CTNNA2: variants seen among roughly 807,000 people sequenced by gnomAD.
CTNNA2 encodes the protein catenin alpha 2, also known as catenin alpha-2.
Under a neutral mutation model 101.0 loss-of-function variants are expected in CTNNA2, and 42 were observed. The ratio of observed to expected loss-of-function variants is 0.42; its 90% CI spans 0.32 to 0.54. The LOEUF (loss-of-function observed/expected upper bound fraction) is 0.54. CTNNA2 is among the 20% of genes least tolerant of loss of function. The pLI is 0.14. For missense variants in CTNNA2, 871 were observed against 1,223.1 expected, an observed-to-expected ratio of 0.71 and a Z score of 4.29; for synonymous variants, 450 against 456.4, an observed-to-expected ratio of 0.99 and a Z score of 0.18.
intron 9 of CTNNA2, among the ~76,000 whole-genome samples, chr2:80,500,932 T>G (rs2149532590): frequency 6.6e-6 from 1 of 152,362 alleles, no homozygotes; most frequent in South Asian, 2.1e-4. Flanking sequence ...GTTTTTCTTC[T>G]TATTGATTGA....
intron 4 of CTNNA2, among the ~76,000 whole-genome samples, chr2:79,416,939 A>G (rs929695683): frequency 7.9e-5 from 12 of 152,154 alleles, no homozygotes; most frequent in Admixed American, 2.0e-4. Flanking sequence ...CACATTAGCA[A>G]ACATGCTCCA....
intron 2 of CTNNA2, among the ~76,000 whole-genome samples, chr2:79,312,460 A>G (rs1229004975): frequency 6.6e-6 from 1 of 152,214 alleles, no homozygotes; most frequent in Non-Finnish European, 1.5e-5. Context: ...TCATTCATTT[A>G]GCAAGTATTT....
At chr2:79,261,166 AC>A (rs1045136260) in intron 2 of CTNNA2, among the ~76,000 whole-genome samples, 9 of 152,144 alleles carry the variant, frequency 5.9e-5, no homozygotes, top group Non-Finnish European at 1.0e-4. Context: ...TCAACCATCC[AC>A]CACTGTACAG....
At chr2:79,440,789 C>T (rs1192820305) in intron 4 of CTNNA2, among the ~76,000 whole-genome samples, 1 of 152,134 alleles carries the variant, frequency 6.6e-6, no homozygotes, top group African/African-American at 2.4e-5. Flanking sequence ...AGACTCAGCT[C>T]CCTCTGCTGA....
chr2:79,335,682 T>C (rs1676978814), intron 3 of CTNNA2, among the ~76,000 whole-genome samples: 2 of 152,232 alleles, frequency 1.3e-5, no homozygotes, highest in South Asian at 4.1e-4. Flanking sequence ...GGCTCATCTA[T>C]GTCCATATAA....
chr2:80,645,917 A>G (rs187673712), intron 18 of CTNNA2, among the ~76,000 whole-genome samples: 99 of 152,226 alleles, frequency 6.5e-4, no homozygotes, highest in African/African-American at 1.2e-4. Context: ...GTTTTCCCCA[A>G]TGGTCAGACT....
chr2:80,516,657 G>A (rs762757673), intron 9 of CTNNA2, among the ~76,000 whole-genome samples: 1 of 152,168 alleles, frequency 6.6e-6, no homozygotes, highest in Non-Finnish European at 1.5e-5. Flanking sequence ...TCTTAATGCA[G>A]AGTTAGTTTA....
intron 7 of CTNNA2, among the ~76,000 whole-genome samples, chr2:79,949,845 G>A (rs1422712707): frequency 6.6e-6 from 1 of 152,134 alleles, no homozygotes; most frequent in East Asian, 1.9e-4. Context: ...AAGTCAGAAT[G>A]CTAACTTTTC....
chr2:80,447,770 C>T (rs1166253340), intron 9 of CTNNA2, among the ~76,000 whole-genome samples: 1 of 151,678 alleles, frequency 6.6e-6, no homozygotes, highest in Admixed American at 6.6e-5. Context: ...TGGGAATTTT[C>T]TTTAGTTCAC....
intron 7 of CTNNA2, among the ~76,000 whole-genome samples, chr2:80,249,285 G>A (rs375225235): frequency 1.3e-5 from 2 of 152,144 alleles, no homozygotes; most frequent in African/African-American, 4.8e-5. Context: ...CCAGCTCCTC[G>A]TCGCATAGGG....
chr2:80,226,773 A>G (rs1708911507), intron 7 of CTNNA2, among the ~76,000 whole-genome samples: 1 of 152,116 alleles, frequency 6.6e-6, no homozygotes, highest in African/African-American at 2.4e-5. Flanking sequence ...TGAAATTCAG[A>G]CTAAAATACT....
chr2:79,835,680 T>TGTTTTTTTTTTTGTTTG (rs1327631921), intron 3 of CTNNA2, among the ~76,000 whole-genome samples: 1 of 123,376 alleles, frequency 8.1e-6, no homozygotes, highest in African/African-American at 3.5e-5. Context: ...TTTTTTTTTT[T>TGTTTTTTTTTTTGTTTG]TTTTTTTTTT....
intron 12 of CTNNA2, among the ~76,000 whole-genome samples, chr2:80,556,585 TA>T (rs143745231): frequency 4.6e-5 from 7 of 151,024 alleles, no homozygotes; most frequent in Non-Finnish European, 4.4e-5. Flanking sequence ...TGCATTGGGG[TA>T]AAAAAAAATG....
chr2:80,601,501 C>CTCCT (rs1361884124), intron 15 of CTNNA2: 2 of 135,112 alleles, frequency 1.5e-5, no homozygotes, highest in African/African-American at 5.4e-5. Context: ...TTTTCAGAAT[C>CTCCT]TCCTTTCTGG....
chr2:79,415,927 T>C (rs1468221135), intron 4 of CTNNA2, among the ~76,000 whole-genome samples: 1 of 152,178 alleles, frequency 6.6e-6, no homozygotes, highest in Non-Finnish European at 1.5e-5. Flanking sequence ...GAGATATGAC[T>C]TGCTTGCTTG....
At chr2:80,184,824 C>G (rs1361936724) in intron 7 of CTNNA2, among the ~76,000 whole-genome samples, 1 of 152,118 alleles carries the variant, frequency 6.6e-6, no homozygotes, top group African/African-American at 2.4e-5. Context: ...TATGTAATTT[C>G]TTCGCTAATG....
intron 2 of CTNNA2, among the ~76,000 whole-genome samples, chr2:79,206,721 A>G (rs1426899057): frequency 6.6e-6 from 1 of 152,228 alleles, no homozygotes; most frequent in Non-Finnish European, 1.5e-5. Context: ...GGAAGCAGCC[A>G]TCCTTTCCCC....
At chr2:79,606,033 T>C (rs1051792256) in intron 1 of CTNNA2, among the ~76,000 whole-genome samples, 1 of 151,982 alleles carries the variant, frequency 6.6e-6, no homozygotes, top group Non-Finnish European at 1.5e-5. Context: ...CAGCAAAAAA[T>C]AATTTAAAAA....
At chr2:79,785,480 G>C (rs755607533) in intron 3 of CTNNA2, among the ~76,000 whole-genome samples, 1 of 152,042 alleles carries the variant, frequency 6.6e-6, no homozygotes, top group Non-Finnish European at 1.5e-5. Context: ...TCTTACCAGC[G>C]AGGCCTCCCA....
Sources: allele counts gnomAD v4.1 joint callset (sites outside exome capture counted in the v4.1 genomes callset), GRCh38; gene constraint gnomAD v4.1.1; transcripts MANE v1.5; gene names NCBI Gene and HGNC (gene_info 2026-07-23, HGNC 2026-07-21).